USP22: variants seen among roughly 807,000 people sequenced by gnomAD.
USP22 encodes ubiquitin specific peptidase 22, also known as ubiquitin carboxyl-terminal hydrolase 22.
In USP22, 22 loss-of-function variants were observed where a neutral mutation model predicts 68.1. The observed-to-expected ratio is 0.32, with a 90% confidence interval of 0.23 to 0.46. USP22 has a LOEUF of 0.46. USP22 is among the 20% of genes least tolerant of loss of function. The pLI is 1.00. For missense variants in USP22, 433 were observed against 695.8 expected, an observed-to-expected ratio of 0.62 and a Z score of 4.25; for synonymous variants, 279 against 274.2, an observed-to-expected ratio of 1.02 and a Z score of -0.17.
At chr17:21,041,607 A>G (rs548538359) in intron 1 of USP22, among the ~76,000 whole-genome samples, 1 of 150,700 alleles carries the variant, frequency 6.6e-6, no homozygotes, top group African/African-American at 2.4e-5. Flanking sequence ...CAAAAAAATA[A>G]TTTTTTTTTT....
At position 21,021,100 on chromosome 17, in the gene USP22, G is replaced by A; in HGVS notation, c.418+13C>T. 6.2e-7 allele frequency: 1 copy of A among 1,603,912 alleles called. No individual in the cohort carries two copies. Among genetic ancestry groups the A allele is most frequent in the Middle Eastern group, 1.7e-4 (1 of 6,048 alleles). ...CTGCAGGATCAAGCAGGTAAACTGA[G>A]GTGGAACCAAACCTTGCATTTTCCA... On this transcript the variant is annotated intron_variant, in intron 3 of 12. Coordinates refer to ENST00000261497, the MANE Select transcript of USP22 (RefSeq NM_015276.2).
intron 12 of USP22, 34 bp downstream of exon 12, chr17:21,004,168 C>A: frequency 6.2e-7 from 1 of 1,609,020 alleles, no homozygotes; most frequent in Non-Finnish European, 8.5e-7. Flanking sequence ...ACCGTAGCCA[C>A]CGTAGGGCCT....
At chr17:21,023,829 C>T (rs1972188050) in intron 2 of USP22, among the ~76,000 whole-genome samples, 1 of 152,090 alleles carries the variant, frequency 6.6e-6, no homozygotes, top group Admixed American at 6.6e-5. Context: ...GCCTCAGTTT[C>T]CCCTGCGGTA....
chr17:21,018,460 A>T (rs1238608187), intron 4 of USP22: 1 of 179,796 alleles, frequency 5.6e-6, no homozygotes, highest in East Asian at 1.6e-4. Context: ...TCATACTTGT[A>T]ACCCAGCACT....
intron 8 of USP22, among the ~76,000 whole-genome samples, chr17:21,009,309 T>A (rs868615081): frequency 1.3e-5 from 2 of 152,110 alleles, no homozygotes; most frequent in Admixed American, 6.5e-5. Flanking sequence ...CAAGCAGGTA[T>A]GGAAAGCCCT....
chr17:21,033,978 A>AC (rs2143634681), intron 1 of USP22, among the ~76,000 whole-genome samples: 1 of 151,930 alleles, frequency 6.6e-6, no homozygotes, highest in East Asian at 1.9e-4. Context: ...TGAACTACTG[A>AC]CCTCAAGTGA....
At chr17:21,008,946 C>T (rs978037103) in intron 8 of USP22, among the ~76,000 whole-genome samples, 1 of 151,962 alleles carries the variant, frequency 6.6e-6, no homozygotes, top group Non-Finnish European at 1.5e-5. Flanking sequence ...ACAAAATTAG[C>T]CGGGCGAGGT....
chr17:21,024,944 G>T (rs1034090022), intron 2 of USP22, among the ~76,000 whole-genome samples: 1 of 152,142 alleles, frequency 6.6e-6, no homozygotes, highest in African/African-American at 2.4e-5. Context: ...ACTCCAGCCT[G>T]GGTGACAGAG....
At chr17:21,007,449 G>A (rs111883516) in intron 9 of USP22, among the ~76,000 whole-genome samples, 1,583 of 152,290 alleles carry the variant, frequency 0.01, 26 homozygotes, top group African/African-American at 0.036. Context: ...AGAATCGTAT[G>A]ATCGCACGCA....
intron 2 of USP22, among the ~76,000 whole-genome samples, chr17:21,022,674 C>CTA (rs1409392809): frequency 1.3e-5 from 2 of 152,018 alleles, no homozygotes; most frequent in Non-Finnish European, 2.9e-5. Flanking sequence ...TGGCAGGCAC[C>CTA]TATAGTCCCA....
intron 3 of USP22, 72 bp downstream of exon 3, chr17:21,021,041 C>G: frequency 7.9e-7 from 1 of 1,260,342 alleles, no homozygotes; most frequent in South Asian, 1.2e-5. Flanking sequence ...TTCTCTTTCT[C>G]CTACTGGGTC....
At chr17:21,008,642 G>A (rs1258216501) in intron 8 of USP22, among the ~76,000 whole-genome samples, 1 of 152,176 alleles carries the variant, frequency 6.6e-6, no homozygotes, top group Non-Finnish European at 1.5e-5. Context: ...GAGATGCTGG[G>A]TACTTTCCGC....
chr17:21,022,221 A>G (rs1972165492), intron 2 of USP22, among the ~76,000 whole-genome samples: 1 of 152,228 alleles, frequency 6.6e-6, no homozygotes. Flanking sequence ...GAAACTGTTC[A>G]CAGTCGTTTC....
chr17:21,001,493 A>G lies in USP22; in HGVS notation c.*1538T>C, dbSNP rs981391690. 20 of 152,204 alleles carry G rather than the reference A, an allele frequency of 1.3e-4. No individual in the cohort carries two copies. The highest frequency in any genetic ancestry group is 1.2e-3 in the Admixed American group (19 of 15,278). 9.4% of individuals were successfully genotyped at this position (152,204 alleles called of 1,614,324 possible). ...TAAGTTTCTTGACACAGAACAATAT[A>G]TGTCATTCAGATTTCTGTGTCTAAA... On this transcript the variant is annotated 3_prime_UTR_variant, in exon 13 of 13. Coordinates refer to ENST00000261497, the MANE Select transcript of USP22 (RefSeq NM_015276.2).
At position 21,011,401 on chromosome 17, in the gene USP22, C is replaced by G. The variant is rs994805706; in HGVS notation, c.945-92G>C. On this transcript the variant is annotated intron_variant, in intron 7 of 12. Transcript: ENST00000261497. ...GTGGAAGCCGTTCCCACATCCCTTC[C>G]CCGCTGTGCCCTTTGTCACAGTGAC... 5 of 1,466,680 alleles carry G rather than the reference C, an allele frequency of 3.4e-6. No individual in the cohort carries two copies. The African/African-American group carries it at 7.0e-5, about 21-fold the overall frequency. 90.9% of individuals were successfully genotyped at this position (1,466,680 alleles called of 1,614,324 possible).
chr17:21,039,053 G>GCGATTCTCCTGCCCCAGCCTCA (rs1388395958), intron 1 of USP22, among the ~76,000 whole-genome samples: 17 of 152,122 alleles, frequency 1.1e-4, no homozygotes, highest in Non-Finnish European at 1.9e-4. Flanking sequence ...CCTGGTTCAA[G>GCGATTCTCCTGCCCCAGCCTCA]CGATTCTCCT....
chr17:21,028,731 AG>A (rs1972253672), intron 1 of USP22, 57 bp from the exon 2 acceptor site: 1 of 1,583,302 alleles, frequency 6.3e-7, no homozygotes, highest in East Asian at 2.3e-5. Flanking sequence ...GGGTGCTCAG[AG>A]GAAACAGTCA....
At position 21,002,983 on chromosome 17, in the gene USP22, G is replaced by C. The variant is rs745831391; in HGVS notation, c.*48C>G. On this transcript the variant is annotated 3_prime_UTR_variant, in exon 13 of 13. Coordinates refer to ENST00000261497, the MANE Select transcript of USP22 (RefSeq NM_015276.2). ...GGGGCCAGGGAGGATCACTTTGTGA[G>C]GCTTGCCAATGCATTGCCTTTGTTT... The C allele has an allele frequency of 2.5e-6, 4 of 1,609,162 alleles. No individual in the cohort carries two copies. The highest frequency in any genetic ancestry group is 3.4e-6 in the Non-Finnish European group (4 of 1,177,184).
intron 10 of USP22, chr17:21,006,503 AG>A (rs1913783080): frequency 1.6e-5 from 2 of 127,032 alleles, no homozygotes; most frequent in Non-Finnish European, 3.2e-5. Context: ...TAGTATCGAC[AG>A]TCATTTTTTT....
Sources: gnomAD v4.1 joint callset for allele counts (sites outside exome capture counted in the v4.1 genomes callset) on GRCh38, gnomAD v4.1.1 for gene constraint, MANE v1.5 for transcripts, NCBI Gene and HGNC (gene_info 2026-07-23, HGNC 2026-07-21) for gene names.